The following UBE2K variants were observed in gnomAD, a reference collection of about 807,000 sequenced individuals.
The protein encoded by UBE2K is ubiquitin conjugating enzyme E2 K.
Under a neutral mutation model 30.0 loss-of-function variants are expected in UBE2K, and 6 were observed. The observed-to-expected ratio is 0.20, with a 90% CI of 0.11 to 0.39. The LOEUF (loss-of-function observed/expected upper bound fraction) is 0.39, where lower values mean the gene tolerates loss of function less well. UBE2K is among the 10% of genes least tolerant of loss of function. The pLI is 1.00. For missense variants in UBE2K, 61 were observed against 241.6 expected (o/e 0.25, Z 4.96); for synonymous variants, 86 against 83.7 (o/e 1.03, Z -0.15).
chr4:39,708,224 T>C (rs1718484749), intron 1 of UBE2K, among the ~76,000 whole-genome samples: 1 of 152,052 alleles, frequency 6.6e-6, no homozygotes, highest in African/African-American at 2.4e-5. Flanking sequence ...AATGAACTTT[T>C]CTTTAGGCAC....
Position 39,724,247 on chromosome 4 carries a change from A to C in UBE2K, c.64-13173A>C, listed in dbSNP as rs534763653. Among the ~76,000 whole-genome samples the C allele has an allele frequency of 8.6e-5, 13 of 151,804 alleles. No individual in the cohort carries two copies. In the South Asian group the frequency reaches 2.5e-3, roughly 29 times the overall value. ...CTCAGCCTCCCAAGTAGCTGAGACT[A>C]TAGGCACGCACCACCACACCTGGCT... On this transcript the variant is annotated intron_variant, in intron 1 of 6. Transcript: ENST00000261427.
intron 5 of UBE2K, among the ~76,000 whole-genome samples, chr4:39,777,214 A>G (rs190580882): frequency 3.0e-4 from 45 of 152,334 alleles, no homozygotes; most frequent in African/African-American, 1.0e-3. Context: ...ATCACTGTAC[A>G]CTAATGCAGC....
At chr4:39,712,014 C>G (rs1447467496) in intron 1 of UBE2K, among the ~76,000 whole-genome samples, 1 of 151,002 alleles carries the variant, frequency 6.6e-6, no homozygotes, top group Non-Finnish European at 1.5e-5. Flanking sequence ...GCATTCCATC[C>G]TGGGCAAGAG....
intron 2 of UBE2K, among the ~76,000 whole-genome samples, chr4:39,745,183 T>C (rs1396765296): frequency 6.6e-6 from 1 of 152,188 alleles, no homozygotes; most frequent in Admixed American, 6.5e-5. Flanking sequence ...ATTAGGCTAG[T>C]GCAAAAGTAA....
intron 4 of UBE2K, among the ~76,000 whole-genome samples, chr4:39,769,331 T>G (rs565676068): frequency 1.3e-5 from 2 of 151,506 alleles, no homozygotes; most frequent in Non-Finnish European, 2.9e-5. Context: ...TAAAAAATAC[T>G]GTATGTCTCT....
chr4:39,765,300 G>A (rs987329652), intron 4 of UBE2K, among the ~76,000 whole-genome samples: 1 of 152,122 alleles, frequency 6.6e-6, no homozygotes, highest in Non-Finnish European at 1.5e-5. Flanking sequence ...AAGGTGGGTG[G>A]ATCGCTTGAG....
chr4:39,718,885 C>T (rs1166112327), intron 1 of UBE2K, among the ~76,000 whole-genome samples: 3 of 152,270 alleles, frequency 2.0e-5, no homozygotes, highest in South Asian at 2.1e-4. Flanking sequence ...GTGCCTCTCC[C>T]TTCACACCTC....
intron 3 of UBE2K, among the ~76,000 whole-genome samples, chr4:39,750,006 C>G (rs1199863132): frequency 6.6e-6 from 1 of 152,158 alleles, no homozygotes; most frequent in Non-Finnish European, 1.5e-5. Context: ...CAAGACTAGC[C>G]TGGCCGACAT....
intron 4 of UBE2K, among the ~76,000 whole-genome samples, chr4:39,757,840 C>A (rs554543159): frequency 6.6e-6 from 1 of 152,308 alleles, no homozygotes; most frequent in East Asian, 1.9e-4. Context: ...TATGCTCACT[C>A]CCAGATTCCT....
At chr4:39,709,718 C>T (rs1718569001) in intron 1 of UBE2K, among the ~76,000 whole-genome samples, 1 of 152,024 alleles carries the variant, frequency 6.6e-6, no homozygotes, top group African/African-American at 2.4e-5. Flanking sequence ...CTCTGTTCTC[C>T]AGATGTGATT....
At chr4:39,756,212 C>A (rs960448465) in intron 4 of UBE2K, among the ~76,000 whole-genome samples, 5 of 152,190 alleles carry the variant, frequency 3.3e-5, no homozygotes, top group African/African-American at 1.2e-4. Context: ...ATTGTGCTTT[C>A]ACTTTTTTTG....
chr4:39,763,887 G>A (rs189466815), intron 4 of UBE2K, among the ~76,000 whole-genome samples: 3 of 151,968 alleles, frequency 2.0e-5, no homozygotes, highest in Non-Finnish European at 2.9e-5. Context: ...CTACAGTCAC[G>A]TGCTACCACA....
intron 1 of UBE2K, among the ~76,000 whole-genome samples, chr4:39,728,685 G>A (rs1193392033): frequency 2.0e-5 from 3 of 151,126 alleles, no homozygotes; most frequent in Non-Finnish European, 2.9e-5. Context: ...TCCCCCAGGT[G>A]GGGAGTGCAG....
chr4:39,754,649 C>T (rs1721436640), intron 3 of UBE2K, among the ~76,000 whole-genome samples: 1 of 152,088 alleles, frequency 6.6e-6, no homozygotes, highest in Admixed American at 6.6e-5. Flanking sequence ...GCTGGGAGTA[C>T]AGGTGTGTGC....
At chr4:39,775,058 T>C (rs1228042132) in intron 5 of UBE2K, 125 bp downstream of exon 5, 7 of 505,110 alleles carry the variant, frequency 1.4e-5, no homozygotes, top group Non-Finnish European at 2.0e-5. Context: ...TTTTCTTTCT[T>C]GTGGTAGGAT....
intron 3 of UBE2K, among the ~76,000 whole-genome samples, chr4:39,751,336 A>T (rs767667383): frequency 5.3e-5 from 8 of 152,210 alleles, no homozygotes; most frequent in Non-Finnish European, 1.0e-4. Flanking sequence ...TTTCCTATGT[A>T]TCTACAGAGA....
intron 4 of UBE2K, among the ~76,000 whole-genome samples, chr4:39,767,645 A>G (rs1712434393): frequency 6.6e-6 from 1 of 152,054 alleles, no homozygotes; most frequent in South Asian, 2.1e-4. Flanking sequence ...TTTTCAAGAA[A>G]AGTGTTTATT....
chr4:39,729,134 C>T (rs1478010928), intron 1 of UBE2K, among the ~76,000 whole-genome samples: 1 of 151,884 alleles, frequency 6.6e-6, no homozygotes, highest in Non-Finnish European at 1.5e-5. Context: ...ATGCCCCCAG[C>T]TAATTTTTGT....
At position 39,772,579 on chromosome 4, in the gene UBE2K, GAAA is replaced by G. The variant is rs56102762; in HGVS notation, c.300-2250_300-2248del. On this transcript the variant is annotated intron_variant, in intron 4 of 6. Coordinates refer to ENST00000261427, the MANE Select transcript of UBE2K (RefSeq NM_005339.5). Reference sequence around the variant, plus strand: ...AGCGTGAGACCCTATCTCAAAAAAAGAAAAAAAGAAGAATGATCTAATTTACAT... The same window carrying G: ...AGCGTGAGACCCTATCTCAAAAAAAGAAAAGAAGAATGATCTAATTTACAT... Among the ~76,000 whole-genome samples, 435 of 108,152 alleles carry G rather than the reference GAAA, an allele frequency of 4.0e-3. 4 individuals carry two copies. Among genetic ancestry groups the G allele is most frequent in the African/African-American group, 0.011 (389 of 35,124 alleles). 71.0% of individuals were successfully genotyped at this position (108,152 alleles called of 152,430 possible).
Sources: allele counts gnomAD v4.1 joint callset (sites outside exome capture counted in the v4.1 genomes callset), GRCh38; gene constraint gnomAD v4.1.1; transcripts MANE v1.5; gene names NCBI Gene and HGNC (gene_info 2026-07-23, HGNC 2026-07-21).